DYNC2I1: variants seen among roughly 807,000 people sequenced by gnomAD.
DYNC2I1 encodes cytoplasmic dynein 2 intermediate chain 1.
DYNC2I1 carries 89 observed loss-of-function variants against 133.4 expected under a neutral mutation model. That is an observed-to-expected ratio of 0.67 (90% CI 0.56 to 0.80). The LOEUF (loss-of-function observed/expected upper bound fraction) is 0.80. Among genes scored for constraint, DYNC2I1 ranks in the 30% least tolerant of loss-of-function variants. The probability of loss-of-function intolerance (pLI) is 0.00; values close to 1 mark genes in which losing one functional copy is unlikely to be tolerated. For missense variants in DYNC2I1, 1,291 were observed against 1,314.5 expected, an observed-to-expected ratio of 0.98 and a Z score of 0.28; for synonymous variants, 504 against 484.3, an observed-to-expected ratio of 1.04 and a Z score of -0.54.
intron 8 of DYNC2I1, among the ~76,000 whole-genome samples, chr7:158,899,016 C>G (rs548864625): frequency 1.3e-5 from 2 of 152,044 alleles, no homozygotes; most frequent in Non-Finnish European, 2.9e-5. Flanking sequence ...AGCATGTTAT[C>G]CCTTGGTATT....
Position 158,901,881 on chromosome 7 carries a change from T to C in DYNC2I1, c.1137+65T>C, listed in dbSNP as rs546944252. The C allele has an allele frequency of 4.4e-5, 53 of 1,215,760 alleles. No homozygotes were observed. The East Asian group carries it at 1.3e-3, about 31-fold the overall frequency. 75.3% of individuals were successfully genotyped at this position (1,215,760 alleles called of 1,614,324 possible). On this transcript the variant is annotated intron_variant, in intron 9 of 24. Coordinates refer to ENST00000407559, the MANE Select transcript of DYNC2I1 (RefSeq NM_018051.5). ...ATTTATTCTTAAAAATCAGCTTATA[T>C]ATAGTAATTTGATGTCCTTTTTATT...
intron 11 of DYNC2I1, among the ~76,000 whole-genome samples, chr7:158,910,280 C>G (rs1347717888): frequency 3.3e-5 from 5 of 151,604 alleles, no homozygotes; most frequent in African/African-American, 1.2e-4. Flanking sequence ...GGCAGAGGGC[C>G]ATCGGCCGTG....
At chr7:158,928,263 C>T (rs1274165938) in intron 20 of DYNC2I1, among the ~76,000 whole-genome samples, 1 of 152,154 alleles carries the variant, frequency 6.6e-6, no homozygotes, top group Non-Finnish European at 1.5e-5. Flanking sequence ...TGAGATTAGC[C>T]CATGTTTTGA....
rs192336239 is a variant in DYNC2I1 at position 158,935,486 on chromosome 7, G to A, written c.2778+937G>A. Among the ~76,000 whole-genome samples, 29 of 152,306 alleles carry A rather than the reference G, an allele frequency of 1.9e-4. No homozygotes were observed. The East Asian group carries it at 3.1e-3, about 16-fold the overall frequency. ...CTCTCACTAGTGTTTACAAATTTCCGTGTACTTGAGATTGAGGGGAAAGAT... is the reference window on the plus strand; with the variant it reads ...CTCTCACTAGTGTTTACAAATTTCCATGTACTTGAGATTGAGGGGAAAGAT... On this transcript the variant is annotated intron_variant, in intron 23 of 24. Transcript: ENST00000407559.
At chr7:158,892,837 A>G (rs894793618) in intron 8 of DYNC2I1, among the ~76,000 whole-genome samples, 2 of 151,088 alleles carry the variant, frequency 1.3e-5, no homozygotes, top group African/African-American at 4.9e-5. Context: ...GCTGCTCAGG[A>G]GGCTGAGGCA....
chr7:158,927,146 AGCCTCAGCACGTTGGG>A (rs1849704211), intron 20 of DYNC2I1, 103 bp downstream of exon 20: 4 of 782,630 alleles, frequency 5.1e-6, no homozygotes, highest in Non-Finnish European at 6.2e-6. Flanking sequence ...ACCTGCTGGG[AGCCTCAGCACGTTGGG>A]AGGCTGAGGA....
At chr7:158,946,758 C>T (rs1327429521), downstream of DYNC2I1, among the ~76,000 whole-genome samples, 1 of 152,246 alleles carries the variant, frequency 6.6e-6, no homozygotes, top group Admixed American at 6.5e-5. Flanking sequence ...GTGTCACAAA[C>T]ACCCATCCCT....
At chr7:158,951,299 T>A (rs1852046223) in intron 4 of DYNC2I1, among the ~76,000 whole-genome samples, 1 of 152,264 alleles carries the variant, frequency 6.6e-6, no homozygotes, top group Non-Finnish European at 1.5e-5. Context: ...GTGCCTTTCC[T>A]TCTACTTGGC....
Position 158,945,728 on chromosome 7 carries a change from G to T in DYNC2I1, c.3150G>T (p.Leu1050=). The change falls in exon 25 of 25, where the codon CTG becomes CTT. Residue 1050 remains leucine, a synonymous_variant. Coordinates refer to ENST00000407559, the MANE Select transcript of DYNC2I1 (RefSeq NM_018051.5). This position sits in a 1 kb window ranked among gnomAD's most constrained non-coding sequence, Gnocchi z 4.1. ...CGGAGGTGGACGAGTGCAACAGGCT[G>T]CGTCTGCTTTTGCAGGAAGCCCTGT... ...AAPEVDECNR[L]RLLLQEALWP... 1 of 1,603,468 alleles carries T rather than the reference G, an allele frequency of 6.2e-7. No individual in the cohort carries two copies. The highest frequency in any genetic ancestry group is 8.5e-7 in the Non-Finnish European group (1 of 1,174,142).
At chr7:158,849,176 G>A in the DYNC2I1 span, among the ~76,000 whole-genome samples, 1 of 152,206 alleles carries the variant, frequency 6.6e-6, no homozygotes, top group African/African-American at 2.4e-5. Flanking sequence ...TGGTCTGTGG[G>A]TAGAGAAGAA....
intron 5 of DYNC2I1, among the ~76,000 whole-genome samples, chr7:158,884,132 C>G (rs911898984): frequency 6.6e-6 from 1 of 150,970 alleles, no homozygotes; most frequent in African/African-American, 2.4e-5. Flanking sequence ...GCAAGCTCCG[C>G]CTCCCGGGTT....
intron 13 of DYNC2I1, 127 bp from the exon 14 acceptor site, chr7:158,914,106 G>A (rs1847768374): frequency 2.9e-6 from 2 of 699,216 alleles, no homozygotes; most frequent in Non-Finnish European, 4.7e-6. Flanking sequence ...ATAGCTTGAA[G>A]TTTTCTGTCT....
chr7:158,892,938 C>CAA (rs35161914), intron 8 of DYNC2I1, among the ~76,000 whole-genome samples: 243 of 105,748 alleles, frequency 2.3e-3, no homozygotes, highest in Non-Finnish European at 3.9e-3. Context: ...AACTCCATCT[C>CAA]AAAAAAAAAA....
Position 158,876,770 on chromosome 7 carries a change from A to G in DYNC2I1, c.573+79A>G, listed in dbSNP as rs966230595. On this transcript the variant is annotated intron_variant, in intron 4 of 24. Coordinates refer to ENST00000407559, the MANE Select transcript of DYNC2I1 (RefSeq NM_018051.5). ...TGTTTTAAGCATTATTGTTGGAAGC[A>G]TTTTTAGAAAATGTCCTAAGCCAGG... The G allele has an allele frequency of 4.3e-5, 63 of 1,456,590 alleles. No individual in the cohort carries two copies. The African/African-American group carries it at 8.7e-4, about 20-fold the overall frequency. 90.2% of individuals were successfully genotyped at this position (1,456,590 alleles called of 1,614,324 possible).
At chr7:158,943,845 C>T (rs1851616026) in intron 24 of DYNC2I1, among the ~76,000 whole-genome samples, 1 of 152,188 alleles carries the variant, frequency 6.6e-6, no homozygotes, top group Non-Finnish European at 1.5e-5. Flanking sequence ...TGGAGCTCCC[C>T]TAACCCCTCA....
the DYNC2I1 span, among the ~76,000 whole-genome samples, chr7:158,848,020 A>G: frequency 2.0e-5 from 3 of 152,228 alleles, no homozygotes; most frequent in African/African-American, 4.8e-5. Context: ...TTAAAGACAG[A>G]TATGGACAGT....
intron 15 of DYNC2I1, among the ~76,000 whole-genome samples, chr7:158,920,401 G>A (rs1164455678): frequency 1.3e-5 from 2 of 151,780 alleles, no homozygotes; most frequent in African/African-American, 4.8e-5. Context: ...CACGTGAAGT[G>A]CGTGTGTGTA....
chr7:158,943,964 G>C (rs1851633832), intron 24 of DYNC2I1, among the ~76,000 whole-genome samples: 1 of 152,212 alleles, frequency 6.6e-6, no homozygotes, highest in Non-Finnish European at 1.5e-5. Context: ...TCTGGAAGGA[G>C]GTGGCGCTCT....
At chr7:158,894,453 C>T (rs1015270423) in intron 8 of DYNC2I1, among the ~76,000 whole-genome samples, 13 of 152,140 alleles carry the variant, frequency 8.5e-5, no homozygotes, top group African/African-American at 3.1e-4. Context: ...TGTTTGTAGC[C>T]TTTTCCAGAT....
Sources: gnomAD v4.1 joint callset for allele counts (sites outside exome capture counted in the v4.1 genomes callset) on GRCh38, gnomAD v4.1.1 for gene constraint, Gnocchi (gnomAD v3.1) non-coding constraint, MANE v1.5 for transcripts, NCBI Gene and HGNC (gene_info 2026-07-23, HGNC 2026-07-21) for gene names.